DPP4: variants seen among roughly 807,000 people sequenced by gnomAD.
DPP4 encodes the protein ADCP-2.
A neutral mutation model predicts 122.4 loss-of-function variants in DPP4; 93 were observed. The observed-to-expected ratio is 0.76, with a 90% CI of 0.64 to 0.90. The LOEUF is 0.90. DPP4 is among the 40% of genes least tolerant of loss of function. DPP4 has a pLI of 0.00. For missense variants in DPP4, 914 were observed against 907.3 expected, an observed-to-expected ratio of 1.01 and a Z score of -0.09; for synonymous variants, 321 against 302.9, an observed-to-expected ratio of 1.06 and a Z score of -0.62.
intron 2 of DPP4, among the ~76,000 whole-genome samples, chr2:162,057,497 G>A (rs1001353269): frequency 1.3e-5 from 2 of 152,164 alleles, no homozygotes; most frequent in African/African-American, 4.8e-5. Context: ...GAAGAGGAGG[G>A]ACTCCTCCTT....
At chr2:162,016,939 C>G in intron 17 of DPP4, 73 bp from the exon 18 acceptor site, 1 of 1,476,474 alleles carries the variant, frequency 6.8e-7, no homozygotes, top group Non-Finnish European at 9.3e-7. Flanking sequence ...CAATAATGAG[C>G]AAACATGAAA....
In DPP4 at chr2:162,058,317, A is replaced by G. The variant is rs139808163; in HGVS notation, c.95-10816T>C. Among the ~76,000 whole-genome samples, 769 of 152,328 alleles carry G rather than the reference A, an allele frequency of 5.0e-3. 6 individuals carry two copies. Among genetic ancestry groups the G allele is most frequent in the African/African-American group, 0.017 (723 of 41,584 alleles). ...AAGACCCTGTGGTGCCCGAGGTAGG[A>G]ACCCCTCAGATCATCACCCCTGCTC... On this transcript the variant is annotated intron_variant, in intron 2 of 25. Coordinates refer to ENST00000360534, the MANE Select transcript of DPP4 (RefSeq NM_001935.4).
At chr2:162,016,494 A>G (rs1339602920) in intron 18 of DPP4, among the ~76,000 whole-genome samples, 2 of 152,282 alleles carry the variant, frequency 1.3e-5, no homozygotes, top group Non-Finnish European at 2.9e-5. Context: ...GTAGAATAAT[A>G]GAGTCACTAA....
chr2:162,050,722 C>T (rs6729733), intron 2 of DPP4, among the ~76,000 whole-genome samples: 5,784 of 152,306 alleles, frequency 0.038, 246 homozygotes, highest in African/African-American at 0.098. Flanking sequence ...CATTGGAAGA[C>T]GGTTTTGAAA....
In DPP4 at chr2:162,008,648, T is replaced by C. The variant is rs202114910; in HGVS notation, c.1901A>G (p.Tyr634Cys). 1 of 1,613,532 alleles carries C rather than the reference T, an allele frequency of 6.2e-7. No homozygotes were observed. The change falls in exon 22 of 26, where the codon TAC (tyrosine) becomes TGC (cysteine). Residue 634 changes from tyrosine (Y) to cysteine (C), a missense_variant. Physicochemically the swap from Tyr to Cys is radical, Grantham distance 194. Transcript: ENST00000360534. ...CGATCCCAGGACCATTGAGGTTACG[T>C]ACCCTCCATATGACTAAGGAATGGA... ...IAIWGWSYGG[Y>C]VTSMVLGSGS...
intron 11 of DPP4, among the ~76,000 whole-genome samples, chr2:162,023,270 G>T (rs1683204343): frequency 6.6e-6 from 1 of 152,136 alleles, no homozygotes; most frequent in Admixed American, 6.5e-5. Flanking sequence ...AGGTTGCCCA[G>T]GGTCTGTTGC....
At chr2:161,995,903 CT>C (rs941533278) in intron 23 of DPP4, among the ~76,000 whole-genome samples, 1 of 152,186 alleles carries the variant, frequency 6.6e-6, no homozygotes, top group Admixed American at 6.5e-5. Context: ...AATATTACCT[CT>C]TTGGGAACAG....
intron 2 of DPP4, among the ~76,000 whole-genome samples, chr2:162,072,742 A>C (rs1420990669): frequency 1.3e-5 from 2 of 152,238 alleles, no homozygotes; most frequent in Non-Finnish European, 2.9e-5. Context: ...CTAAAAAGAC[A>C]TGAAAGTCCT....
intron 2 of DPP4, among the ~76,000 whole-genome samples, chr2:162,058,062 C>T (rs2106149187): frequency 6.6e-6 from 1 of 152,274 alleles, no homozygotes; most frequent in South Asian, 2.1e-4. Flanking sequence ...CCTGAGCCAC[C>T]ATGCCTGGCC....
intron 12 of DPP4, chr2:162,021,725 G>A (rs1683135086): frequency 6.6e-6 from 1 of 152,190 alleles, no homozygotes. Context: ...CCCCTGGATG[G>A]AGTTGTGCCT....
chr2:162,028,707 G>C (rs750585320), intron 10 of DPP4, among the ~76,000 whole-genome samples: 1 of 152,250 alleles, frequency 6.6e-6, no homozygotes, highest in Non-Finnish European at 1.5e-5. Flanking sequence ...ATTTCTGGAT[G>C]TAAAATAATA....
At chr2:162,011,716 C>T (rs897176706) in intron 20 of DPP4, 77 bp downstream of exon 20, 7 of 1,433,042 alleles carry the variant, frequency 4.9e-6, no homozygotes, top group Non-Finnish European at 3.8e-6. Flanking sequence ...ATTATTTACA[C>T]TTTACAGCTT....
chr2:162,027,358 A>AG (rs1345412090), intron 10 of DPP4, among the ~76,000 whole-genome samples: 1 of 152,106 alleles, frequency 6.6e-6, no homozygotes, highest in East Asian at 1.9e-4. Context: ...CAAAAAAAAA[A>AG]AAAAAGTAAA....
intron 8 of DPP4, among the ~76,000 whole-genome samples, chr2:162,037,439 G>A (rs959655477): frequency 2.0e-5 from 3 of 152,110 alleles, no homozygotes; most frequent in African/African-American, 7.2e-5. Context: ...TTCTTTTAAT[G>A]TGATTTGTTG....
chr2:162,042,168 T>C (rs1684009650), intron 5 of DPP4, among the ~76,000 whole-genome samples: 1 of 152,342 alleles, frequency 6.6e-6, no homozygotes, highest in East Asian at 1.9e-4. Flanking sequence ...CTGTGTAACA[T>C]GAAGCAAGTT....
chr2:162,040,286 C>T (rs1236411592), intron 5 of DPP4, among the ~76,000 whole-genome samples: 1 of 151,958 alleles, frequency 6.6e-6, no homozygotes, highest in Non-Finnish European at 1.5e-5. Flanking sequence ...TTCATAACTG[C>T]CAAAACTGGG....
intron 8 of DPP4, among the ~76,000 whole-genome samples, chr2:162,036,860 G>A (rs576330276): frequency 4.4e-4 from 67 of 152,246 alleles, no homozygotes; most frequent in Middle Eastern, 3.4e-3. Context: ...CCAAGTCATG[G>A]TTTCTATTAT....
At chr2:162,051,965 A>G (rs1684398028) in intron 2 of DPP4, among the ~76,000 whole-genome samples, 1 of 152,142 alleles carries the variant, frequency 6.6e-6, no homozygotes, top group African/African-American at 2.4e-5. Context: ...GAACCTTAAT[A>G]TACATTGTGG....
At chr2:162,019,300 A>C (rs765986320) in intron 14 of DPP4, 24 bp from the exon 15 acceptor site, 4 of 1,418,674 alleles carry the variant, frequency 2.8e-6, no homozygotes, top group Admixed American at 1.9e-5. Context: ...AAAATGAAAT[A>C]TATATTAATT....
Sources: allele counts gnomAD v4.1 joint callset (sites outside exome capture counted in the v4.1 genomes callset), GRCh38; gene constraint gnomAD v4.1.1; transcripts MANE v1.5; gene names NCBI Gene and HGNC (gene_info 2026-07-23, HGNC 2026-07-21).